The following DCP1A variants were observed in gnomAD, a reference collection of about 807,000 sequenced individuals.
DCP1A encodes decapping mRNA 1A, also known as mRNA-decapping enzyme 1A.
A neutral mutation model predicts 58.0 loss-of-function variants in DCP1A; 20 were observed. The observed-to-expected ratio is 0.34, with a 90% CI of 0.24 to 0.50. The LOEUF is 0.50. Among genes scored for constraint, DCP1A ranks in the 20% least tolerant of loss-of-function variants. The probability of loss-of-function intolerance (pLI) is 0.98; values close to 1 mark genes in which losing one functional copy is unlikely to be tolerated. For synonymous variants in DCP1A, 285 were observed against 275.1 expected (o/e 1.04, Z -0.36); for missense variants, 613 against 712.2 (o/e 0.86, Z 1.59).
intron 3 of DCP1A, among the ~76,000 whole-genome samples, chr3:53,338,796 G>C (rs2089158041): frequency 6.7e-6 from 1 of 149,646 alleles, no homozygotes; most frequent in Admixed American, 6.8e-5. Context: ...GGGAGGCAGA[G>C]CTTGCAGTGA....
chr3:53,297,643 G>A (rs535904750), intron 6 of DCP1A, among the ~76,000 whole-genome samples: 6 of 152,188 alleles, frequency 3.9e-5, no homozygotes, highest in African/African-American at 1.4e-4. Flanking sequence ...TACAGCCACC[G>A]TGCCTGGCCA....
chr3:53,301,236 A>G (rs1018019833), intron 6 of DCP1A, among the ~76,000 whole-genome samples: 4 of 152,112 alleles, frequency 2.6e-5, no homozygotes, highest in Non-Finnish European at 4.4e-5. Flanking sequence ...TGTGAATGTA[A>G]GACTGTACAG....
intron 6 of DCP1A, among the ~76,000 whole-genome samples, chr3:53,301,934 AG>A (rs1707324188): frequency 6.6e-6 from 1 of 152,232 alleles, no homozygotes; most frequent in South Asian, 2.1e-4. Flanking sequence ...AATAGTTGCC[AG>A]GGCTAAACGA....
At position 53,292,537 on chromosome 3, in the gene DCP1A, C is replaced by T. The variant is rs200307108; in HGVS notation, c.915G>A (p.Lys305=). The T allele has an allele frequency of 7.6e-5, 122 of 1,613,820 alleles. No individual in the cohort carries two copies. Among genetic ancestry groups the T allele is most frequent in the Non-Finnish European group, 9.3e-5 (110 of 1,179,898 alleles). ...ACGGGATTGTGTAGGTTGGAGCATG[C>T]TTTTCATTGGACTGTGTGATGGAGG... ...TPASITQSNE[K]HAPTYTIPLS... Residue 305 remains lysine (K), a synonymous_variant, in exon 7 of 10, where the codon AAG becomes AAA. Coordinates refer to ENST00000610213, the MANE Select transcript of DCP1A (RefSeq NM_018403.7).
At chr3:53,321,563 T>C (rs919669097) in intron 3 of DCP1A, among the ~76,000 whole-genome samples, 9 of 152,006 alleles carry the variant, frequency 5.9e-5, no homozygotes, top group Non-Finnish European at 1.0e-4. Context: ...CTACTAAAAA[T>C]ACAAAATTAG....
chr3:53,327,842 G>T (rs1350562043), intron 3 of DCP1A, among the ~76,000 whole-genome samples: 2 of 150,990 alleles, frequency 1.3e-5, no homozygotes, highest in African/African-American at 4.9e-5. Flanking sequence ...AAAAACAAAG[G>T]CCGGGCGTGG....
chr3:53,296,484 T>C (rs1553686784), intron 6 of DCP1A, among the ~76,000 whole-genome samples: 1 of 152,240 alleles, frequency 6.6e-6, no homozygotes, highest in Admixed American at 6.5e-5. Context: ...ACAGGTTCCA[T>C]TTACTACACT....
chr3:53,320,156 AC>A (rs1156672716), intron 3 of DCP1A, among the ~76,000 whole-genome samples: 3 of 151,964 alleles, frequency 2.0e-5, no homozygotes, highest in Non-Finnish European at 4.4e-5. Context: ...TAAAATTGTT[AC>A]AATACAAAGC....
chr3:53,318,552 G>C (rs1707877684), intron 4 of DCP1A, among the ~76,000 whole-genome samples: 1 of 152,128 alleles, frequency 6.6e-6, no homozygotes, highest in Non-Finnish European at 1.5e-5. Flanking sequence ...TTTGCCCAGA[G>C]CTCTGTAGTC....
intron 2 of DCP1A, among the ~76,000 whole-genome samples, chr3:53,344,622 T>G (rs914087827): frequency 6.6e-6 from 1 of 152,104 alleles, no homozygotes; most frequent in Non-Finnish European, 1.5e-5. Context: ...AATATGGGGG[T>G]AGGAAGAGAG....
intron 3 of DCP1A, chr3:53,338,205 GA>G: frequency 2.3e-6 from 1 of 426,694 alleles, no homozygotes; most frequent in Non-Finnish European, 4.7e-6. Context: ...AATAACTCCA[GA>G]ATTTATAACC....
chr3:53,305,381 ACT>A (rs1326589934), intron 5 of DCP1A, among the ~76,000 whole-genome samples: 4 of 149,978 alleles, frequency 2.7e-5, no homozygotes, highest in Non-Finnish European at 4.4e-5. Flanking sequence ...ACGGAGTCTC[ACT>A]CTGTTGCCCA....
At chr3:53,329,403 G>C (rs1575615664) in intron 3 of DCP1A, 2 of 398,486 alleles carry the variant, frequency 5.0e-6, no homozygotes, top group Admixed American at 4.4e-5. Context: ...AAAGTGATAA[G>C]TGAAGCAGAA....
In DCP1A at chr3:53,295,111, C is replaced by T. The variant is rs376120393; in HGVS notation, c.625-2284G>A. Among the ~76,000 whole-genome samples the T allele has an allele frequency of 2.8e-3, 427 of 152,224 alleles. 5 individuals carry two copies. Among genetic ancestry groups the T allele is most frequent in the South Asian group, 0.018 (85 of 4,822 alleles). On this transcript the variant is annotated intron_variant, in intron 6 of 9. Transcript: ENST00000610213. ...GACAACAGAGAAAGAGGGCCAGCAG[C>T]GATGAGCATGCAGGCAAGTTTGCAT...
chr3:53,288,316 G>A (rs1553685478), intron 8 of DCP1A, 33 bp from the exon 9 acceptor site: 2 of 1,559,462 alleles, frequency 1.3e-6, no homozygotes, highest in East Asian at 2.3e-5. Flanking sequence ...TTGTACCGAA[G>A]TGCAGAAGCC....
rs34308634 is a variant in DCP1A at position 53,284,526 on chromosome 3, C to CTTTTTTTTTTT, written c.*3043_*3053dup. 2 of 59,854 alleles carry CTTTTTTTTTTT rather than the reference C, an allele frequency of 3.3e-5. No homozygotes were observed. The highest frequency in any genetic ancestry group is 1.3e-4 in the African/African-American group (2 of 15,474). 3.7% of individuals were successfully genotyped at this position (59,854 alleles called of 1,614,324 possible). A position where few individuals can be genotyped will look rare whatever the true frequency, so the allele number is the denominator to read the frequency against. On this transcript the variant is annotated 3_prime_UTR_variant, in exon 10 of 10. Transcript: ENST00000610213. ...CCCTGTAGAGAGGGGCCCAGCGTGA[C>CTTTTTTTTTTT]TTTTTTTTTTTTTTTTTTTTTTTTT... is the stretch of plus-strand genomic sequence containing the variant.
intron 5 of DCP1A, among the ~76,000 whole-genome samples, chr3:53,305,151 G>A (rs781290552): frequency 1.4e-4 from 22 of 152,078 alleles, no homozygotes; most frequent in Non-Finnish European, 2.4e-4. Flanking sequence ...TTAGCATAAT[G>A]CCTTTAAGGT....
chr3:53,304,334 T>G (rs1553687756), intron 5 of DCP1A, 44 bp from the exon 6 acceptor site: 3 of 1,449,858 alleles, frequency 2.1e-6, no homozygotes, highest in Admixed American at 1.8e-5. Flanking sequence ...TGAAAAAAAT[T>G]TGCTATTATT....
chr3:53,346,362 A>C (rs1194999053), intron 1 of DCP1A, among the ~76,000 whole-genome samples: 1 of 152,216 alleles, frequency 6.6e-6, no homozygotes, highest in Non-Finnish European at 1.5e-5. Context: ...ACTGATAAAT[A>C]TAATCTATGC....
Sources: allele counts gnomAD v4.1 joint callset (sites outside exome capture counted in the v4.1 genomes callset), GRCh38; gene constraint gnomAD v4.1.1; transcripts MANE v1.5; gene names NCBI Gene and HGNC (gene_info 2026-07-23, HGNC 2026-07-21).